KCNAB2: variants seen among roughly 807,000 people sequenced by gnomAD.
KCNAB2 encodes voltage-gated potassium channel subunit beta-2.
In KCNAB2, 29 loss-of-function variants were observed where a neutral mutation model predicts 63.6. That is an observed-to-expected ratio of 0.46 (90% CI 0.34 to 0.62). The LOEUF (loss-of-function observed/expected upper bound fraction) is 0.62. KCNAB2 is among the 20% of genes least tolerant of loss of function. The pLI is 0.01. For synonymous variants in KCNAB2, 222 were observed against 224.2 expected (o/e 0.99, Z 0.09); for missense variants, 359 against 563.9 (o/e 0.64, Z 3.68).
chr1:6,082,930 G>A (rs1664334063), intron 5 of KCNAB2, among the ~76,000 whole-genome samples: 1 of 152,216 alleles, frequency 6.6e-6, no homozygotes, highest in South Asian at 2.1e-4. Flanking sequence ...CTGGGCTGCT[G>A]TGCACCATAG....
intron 6 of KCNAB2, chr1:6,085,939 G>A (rs1392712319): frequency 1.8e-5 from 18 of 985,466 alleles, no homozygotes; most frequent in Non-Finnish European, 2.2e-5. Flanking sequence ...GTCCCCGGGT[G>A]TGATGGAGCC....
chr1:6,029,150 G>T (rs552596257), intron 1 of KCNAB2, among the ~76,000 whole-genome samples: 1 of 152,138 alleles, frequency 6.6e-6, no homozygotes, highest in African/African-American at 2.4e-5. Flanking sequence ...AGGCATGGCA[G>T]CGTGTGCCTG....
chr1:6,040,853 A>G (rs1183418108), intron 2 of KCNAB2, among the ~76,000 whole-genome samples: 1 of 152,270 alleles, frequency 6.6e-6, no homozygotes, highest in Non-Finnish European at 1.5e-5. Flanking sequence ...AGTGGGAAAG[A>G]AAAACCAAAA....
chr1:5,999,284 G>A (rs1657106906), intron 1 of KCNAB2, among the ~76,000 whole-genome samples: 2 of 152,214 alleles, frequency 1.3e-5, no homozygotes, highest in African/African-American at 4.8e-5. Context: ...GGCTTGTAGG[G>A]TGTGGCACCT....
intron 1 of KCNAB2, among the ~76,000 whole-genome samples, chr1:6,013,323 A>G (rs1007338757): frequency 6.6e-6 from 1 of 152,066 alleles, no homozygotes; most frequent in African/African-American, 2.4e-5. Flanking sequence ...TTGGCAGAAG[A>G]CACACTTGTG....
intron 1 of KCNAB2, among the ~76,000 whole-genome samples, chr1:6,013,612 C>G (rs1391638676): frequency 1.3e-5 from 2 of 152,098 alleles, no homozygotes; most frequent in Non-Finnish European, 2.9e-5. Context: ...AGAAACTGAC[C>G]ACTCACCTCT....
chr1:6,093,819 A>G (rs972488293), intron 10 of KCNAB2, among the ~76,000 whole-genome samples: 5 of 152,212 alleles, frequency 3.3e-5, no homozygotes, highest in African/African-American at 1.2e-4. Context: ...GACAGGAAAC[A>G]TGAGCTCAGC....
chr1:6,085,722 C>T (rs1664641406), intron 6 of KCNAB2: 3 of 603,622 alleles, frequency 5.0e-6, no homozygotes, highest in Non-Finnish European at 6.3e-6. Context: ...TGGATCCCAC[C>T]CTGCACCTTG....
chr1:6,030,527 A>ATGTG (rs35807332), upstream of KCNAB2, among the ~76,000 whole-genome samples: 13,471 of 147,842 alleles, frequency 0.091, 671 homozygotes, highest in Admixed American at 0.15. Flanking sequence ...GTATGTGTGT[A>ATGTG]TGTGTGTGTA....
chr1:6,030,350 G>A (rs1469587091), upstream of KCNAB2, among the ~76,000 whole-genome samples: 1 of 152,176 alleles, frequency 6.6e-6, no homozygotes, highest in East Asian at 1.9e-4. Flanking sequence ...AGGTTCAGGG[G>A]CAAGTCTCCT....
intron 2 of KCNAB2, among the ~76,000 whole-genome samples, chr1:6,072,311 G>A (rs1268327659): frequency 6.6e-6 from 1 of 152,198 alleles, no homozygotes; most frequent in Non-Finnish European, 1.5e-5. Context: ...CAGTGAAGTG[G>A]GACGATCTCC....
At chr1:6,025,571 C>T (rs1659095243) in intron 1 of KCNAB2, among the ~76,000 whole-genome samples, 1 of 152,224 alleles carries the variant, frequency 6.6e-6, no homozygotes, top group South Asian at 2.1e-4. Flanking sequence ...TTACCTCTGG[C>T]CCGTCCTCCC....
At chr1:6,031,606 G>A (rs1659626885), upstream of KCNAB2, among the ~76,000 whole-genome samples, 1 of 152,100 alleles carries the variant, frequency 6.6e-6, no homozygotes, top group Non-Finnish European at 1.5e-5. The surrounding 1 kb of genome is among the most constrained non-coding windows in gnomAD (Gnocchi z 4.1). Flanking sequence ...GCCAGCCCTG[G>A]CCGGGTGCAG....
chr1:6,077,633 C>T (rs1663781415), intron 4 of KCNAB2, among the ~76,000 whole-genome samples: 1 of 152,176 alleles, frequency 6.6e-6, no homozygotes, highest in African/African-American at 2.4e-5. Flanking sequence ...CAGGTGTGTT[C>T]AGGGCCACCG....
chr1:6,038,087 C>A (rs1660200931), intron 1 of KCNAB2, among the ~76,000 whole-genome samples: 1 of 151,554 alleles, frequency 6.6e-6, no homozygotes. Context: ...CTGTGTTAGC[C>A]AGGATGGTCT....
At chr1:6,058,563 G>T (rs551077126) in intron 2 of KCNAB2, among the ~76,000 whole-genome samples, 67 of 152,348 alleles carry the variant, frequency 4.4e-4, no homozygotes, top group African/African-American at 1.3e-3. Flanking sequence ...GCTCATTGTG[G>T]GAGAGAAATG....
intron 2 of KCNAB2, chr1:6,040,745 C>A: frequency 1.4e-6 from 1 of 723,982 alleles, no homozygotes. Flanking sequence ...GGTGGAAGGG[C>A]CCAAGCAGGG....
intron 1 of KCNAB2, among the ~76,000 whole-genome samples, chr1:6,017,001 A>G (rs1295108): frequency 0.97 from 147,108 of 152,196 alleles, 71,135 homozygotes; most frequent in East Asian, 1. Flanking sequence ...TCAACAAACC[A>G]CCTAAAACTC....
chr1:6,049,273 A>G (rs1382691692), intron 1 of KCNAB2, among the ~76,000 whole-genome samples: 1 of 152,188 alleles, frequency 6.6e-6, no homozygotes, highest in Non-Finnish European at 1.5e-5. Context: ...TCCTCTGTAC[A>G]CGAGGGGCAC....
Sources: allele counts gnomAD v4.1 joint callset (sites outside exome capture counted in the v4.1 genomes callset), GRCh38; gene constraint gnomAD v4.1.1; non-coding constraint Gnocchi (gnomAD v3.1); transcripts MANE v1.5; gene names NCBI Gene and HGNC (gene_info 2026-07-23, HGNC 2026-07-21).